The following HHLA2 variants were observed in gnomAD, a reference collection of about 807,000 sequenced individuals.
HHLA2 encodes the protein HERV-H LTR-associating protein 2.
Under a neutral mutation model 45.9 loss-of-function variants are expected in HHLA2, and 48 were observed. The ratio of observed to expected loss-of-function variants is 1.05; its 90% CI spans 0.83 to 1.33. The LOEUF (loss-of-function observed/expected upper bound fraction) is 1.33, where lower values mean the gene tolerates loss of function less well. Ranked by LOEUF, HHLA2 falls within the 40% of genes most tolerant of loss-of-function variation. The pLI is 0.00. For synonymous variants in HHLA2, 161 were observed against 173.9 expected (o/e 0.93, Z 0.59); for missense variants, 462 against 494.3 (o/e 0.93, Z 0.62).
At position 108,354,848 on chromosome 3, in the gene HHLA2, T is replaced by C. The variant is rs1174622360; in HGVS notation, c.419-267T>C. Among the ~76,000 whole-genome samples the C allele has an allele frequency of 2.0e-5, 3 of 152,194 alleles. No individual in the cohort carries two copies. In the East Asian group the frequency reaches 5.8e-4, roughly 29 times the overall value. On this transcript the variant is annotated intron_variant, in intron 5 of 10. Coordinates refer to ENST00000619531, the Ensembl canonical transcript of HHLA2. ...TTCAATGAGGCCATTAGATTTCTTTTCCAGCTATGTTTCTAGAAAATTGAG... is the reference window on the plus strand; with the variant it reads ...TTCAATGAGGCCATTAGATTTCTTTCCCAGCTATGTTTCTAGAAAATTGAG...
intron 3 of HHLA2, among the ~76,000 whole-genome samples, chr3:108,347,009 G>A (rs2081673222): frequency 6.6e-6 from 1 of 152,062 alleles, no homozygotes; most frequent in South Asian, 2.1e-4. Context: ...CCTCACATCT[G>A]GAATCCAGCC....
At chr3:108,313,538 T>A (rs1281604580) in intron 2 of HHLA2, among the ~76,000 whole-genome samples, 1 of 152,162 alleles carries the variant, frequency 6.6e-6, no homozygotes, top group African/African-American at 2.4e-5. Flanking sequence ...GCTGAGAGGA[T>A]TCCTGTGGTG....
intron 3 of HHLA2, among the ~76,000 whole-genome samples, chr3:108,330,988 A>G (rs113491182): frequency 6.6e-6 from 1 of 152,194 alleles, no homozygotes. Context: ...CCCCAAGGAA[A>G]GAAAGTGCTG....
chr3:108,372,356 T>G (rs2082192800), intron 8 of HHLA2, among the ~76,000 whole-genome samples: 1 of 151,594 alleles, frequency 6.6e-6, no homozygotes. Context: ...TAGCACTAAA[T>G]GCCCACAAGA....
At chr3:108,320,389 A>G (rs2107342090) in intron 2 of HHLA2, among the ~76,000 whole-genome samples, 1 of 152,362 alleles carries the variant, frequency 6.6e-6, no homozygotes, top group Admixed American at 6.5e-5. Flanking sequence ...ATGAAATAGA[A>G]TTTATTAAGT....
intron 2 of HHLA2, among the ~76,000 whole-genome samples, chr3:108,314,796 T>C (rs1175916769): frequency 6.6e-6 from 1 of 152,188 alleles, no homozygotes; most frequent in Non-Finnish European, 1.5e-5. Context: ...ATATTATAAG[T>C]CATCTCACTT....
At chr3:108,304,546 C>T (rs770752774) in intron 1 of HHLA2, among the ~76,000 whole-genome samples, 11 of 152,164 alleles carry the variant, frequency 7.2e-5, no homozygotes, top group Non-Finnish European at 1.3e-4. Context: ...ACCTTAATTA[C>T]ATCTACAAAG....
chr3:108,309,172 A>ATTTGATT (rs1233937955), intron 1 of HHLA2, among the ~76,000 whole-genome samples: 3 of 151,994 alleles, frequency 2.0e-5, no homozygotes, highest in Non-Finnish European at 2.9e-5. Context: ...ATCCACTTTT[A>ATTTGATT]TTTGATTTTT....
chr3:108,365,215 G>A (rs2082044576), intron 8 of HHLA2, among the ~76,000 whole-genome samples: 1 of 152,154 alleles, frequency 6.6e-6, no homozygotes, highest in South Asian at 2.1e-4. Context: ...TTCTGCATAT[G>A]GCTAGCAAGT....
At chr3:108,319,915 G>A (rs577001102) in intron 2 of HHLA2, among the ~76,000 whole-genome samples, 7 of 152,200 alleles carry the variant, frequency 4.6e-5, no homozygotes, top group South Asian at 4.1e-4. Flanking sequence ...GATTCGCCCC[G>A]TGCATGCATG....
chr3:108,355,094 G>A (rs572201303), intron 5 of HHLA2, 21 bp from the exon 5 acceptor site: 62 of 1,593,608 alleles, frequency 3.9e-5, no homozygotes, highest in South Asian at 2.1e-4. Flanking sequence ...TTTTTCATGC[G>A]CCCTTCTTTC....
intron 1 of HHLA2, among the ~76,000 whole-genome samples, chr3:108,307,517 C>T (rs2080949955): frequency 6.6e-6 from 1 of 151,930 alleles, no homozygotes; most frequent in Non-Finnish European, 1.5e-5. Context: ...GCCTGTAATC[C>T]CAGCTACTCG....
chr3:108,306,086 C>T (rs2080924326), intron 1 of HHLA2, among the ~76,000 whole-genome samples: 1 of 152,164 alleles, frequency 6.6e-6, no homozygotes, highest in Admixed American at 6.6e-5. Flanking sequence ...TGCAAGGGTT[C>T]CCCAGTCATC....
Position 108,351,796 on chromosome 3 carries a change from A to G in HHLA2, c.-18A>G, listed in dbSNP as rs373980978. The G allele has an allele frequency of 5.6e-6, 9 of 1,609,646 alleles. No individual in the cohort carries two copies. In the African/African-American group the frequency reaches 1.1e-4, roughly 19 times the overall value. ...TTACTTCTCTTTGATAGCATGACTA[A>G]TATGTTCTGCACAAGACATGAAGGC... On this transcript the variant is annotated 5_prime_UTR_variant, in exon 4 of 11. Transcript: ENST00000619531.
intron 8 of HHLA2, among the ~76,000 whole-genome samples, chr3:108,366,977 G>T (rs530360853): frequency 5.5e-4 from 84 of 152,306 alleles, no homozygotes; most frequent in Middle Eastern, 3.4e-3. Context: ...TCAGGCTGGT[G>T]CCCCTCTGGG....
rs562266591 is a variant in HHLA2 at position 108,305,420 on chromosome 3, C to T, written c.-191-5235C>T. On this transcript the variant is annotated intron_variant, in intron 1 of 10. Transcript: ENST00000619531. The stretch of plus-strand genomic sequence containing the variant: ...CTGAATGGGAATGTAGAAAACCGTG[C>T]CTCAAAGTCCTCCACGGGAGGAAAG... Among the ~76,000 whole-genome samples the T allele has an allele frequency of 1.1e-4, 17 of 152,242 alleles. No individual in the cohort carries two copies. The South Asian group carries it at 3.5e-3, about 32-fold the overall frequency.
chr3:108,342,154 G>C (rs967721363), intron 3 of HHLA2, among the ~76,000 whole-genome samples: 1 of 151,904 alleles, frequency 6.6e-6, no homozygotes, highest in East Asian at 1.9e-4. Flanking sequence ...CTGTCACAGT[G>C]TCCTTCCAAA....
chr3:108,359,808 G>A (rs1006708643), intron 7 of HHLA2, among the ~76,000 whole-genome samples: 1 of 152,062 alleles, frequency 6.6e-6, no homozygotes, highest in Non-Finnish European at 1.5e-5. Context: ...TTTCCTTGGG[G>A]GATATGTTCC....
At chr3:108,348,599 AGATCCTGAT>A (rs940919833) in intron 3 of HHLA2, among the ~76,000 whole-genome samples, 3 of 151,964 alleles carry the variant, frequency 2.0e-5, no homozygotes, top group Non-Finnish European at 4.4e-5. Flanking sequence ...AGAGAGAGAG[AGATCCTGAT>A]GATGTAGTAG....
Sources: gnomAD v4.1 joint callset for allele counts (sites outside exome capture counted in the v4.1 genomes callset) on GRCh38, gnomAD v4.1.1 for gene constraint, MANE v1.5 for transcripts, NCBI Gene and HGNC (gene_info 2026-07-23, HGNC 2026-07-21) for gene names.